Variants in DNAH12 observed in about 807,000 individuals in gnomAD.
DNAH12 encodes axonemal beta dynein heavy chain 12.
DNAH12 carries 285 observed loss-of-function variants against 371.5 expected under a neutral mutation model. That is an observed-to-expected ratio of 0.77 (90% CI 0.70 to 0.85). The LOEUF (loss-of-function observed/expected upper bound fraction) is 0.85. Ranked by LOEUF, DNAH12 falls within the 40% of genes least tolerant of loss-of-function variation. DNAH12 has a pLI of 0.00. For missense variants in DNAH12, 3,611 were observed against 3,689.4 expected (o/e 0.98, Z 0.55); for synonymous variants, 1,200 against 1,213.0 (o/e 0.99, Z 0.22).
At chr3:57,308,545 TG>T (rs1366734370) in intron 69 of DNAH12, among the ~76,000 whole-genome samples, 1 of 152,138 alleles carries the variant, frequency 6.6e-6, no homozygotes, top group Non-Finnish European at 1.5e-5. Flanking sequence ...ACTTGGACTG[TG>T]CCCCAAAAAA....
In DNAH12 at chr3:57,445,423, A is replaced by G. The variant is rs1575608928; in HGVS notation, c.4180-4T>C. On this transcript the variant is annotated splice_region_variant and splice_polypyrimidine_tract_variant and intron_variant, in intron 27 of 73. Transcript: ENST00000495027. The stretch of plus-strand genomic sequence containing the variant: ...TAGCCACTGTTCTAAAAAGAACCTG[A>G]AGTATAAAATAAATGAAATATATTA... 1 of 1,511,326 alleles carries G rather than the reference A, an allele frequency of 6.6e-7. No homozygotes were observed. The highest frequency in any genetic ancestry group is 8.8e-7 in the Non-Finnish European group (1 of 1,131,568). The allele number at this position is 1,511,326 out of a possible 1,614,324, so 93.6% of individuals were successfully genotyped here. A position where few individuals can be genotyped will look rare whatever the true frequency, so the allele number is the denominator to read the frequency against.
intron 62 of DNAH12, among the ~76,000 whole-genome samples, chr3:57,331,613 T>C (rs1458954462): frequency 1.3e-5 from 2 of 152,130 alleles, no homozygotes; most frequent in Non-Finnish European, 2.9e-5. Flanking sequence ...GAGACTTTAC[T>C]AAAACGGTAA....
intron 65 of DNAH12, among the ~76,000 whole-genome samples, chr3:57,315,595 A>T (rs953116944): frequency 6.6e-6 from 1 of 152,002 alleles, no homozygotes; most frequent in Non-Finnish European, 1.5e-5. Context: ...TTTGGACTCT[A>T]TCTAGACTGG....
In DNAH12 at chr3:57,372,102, A is replaced by G. The variant is rs900945502; in HGVS notation, c.8759+3269T>C. Among the ~76,000 whole-genome samples, 416 of 152,036 alleles carry G rather than the reference A, an allele frequency of 2.7e-3. 11 individuals are homozygous for G. The highest frequency in any genetic ancestry group is 0.026 in the Admixed American group (402 of 15,234). On this transcript the variant is annotated intron_variant, in intron 55 of 73. Transcript: ENST00000495027. ...ACTATAGTTAACAATAGTTTATTGT[A>G]TAATTCAAAACTGCTAGAAAAGAAG...
intron 60 of DNAH12, among the ~76,000 whole-genome samples, chr3:57,338,624 C>T (rs1375051533): frequency 2.0e-5 from 3 of 148,940 alleles, no homozygotes; most frequent in Non-Finnish European, 4.4e-5. Flanking sequence ...GCATCTCTGC[C>T]TGGCCGCCCC....
In DNAH12 at chr3:57,413,839, A is replaced by G. The variant is rs2064280693; in HGVS notation, c.5927T>C (p.Ile1976Thr). 1 of 1,551,290 alleles carries G rather than the reference A, an allele frequency of 6.4e-7. No individual in the cohort carries two copies. Among genetic ancestry groups the G allele is most frequent in the South Asian group, 1.2e-5 (1 of 84,052 alleles). Residue 1976 changes from isoleucine (I) to threonine (T), a missense_variant, in exon 39 of 74, where the codon ATT becomes ACT. Ile to Thr is a moderately conservative substitution (Grantham distance 89). Transcript: ENST00000495027. Reference sequence around the variant, plus strand: ...AGGCATATTCATATCATCTATAAAAATTATACACTTCTTTCCCATAGGTGG... The same window carrying G: ...AGGCATATTCATATCATCTATAAAAGTTATACACTTCTTTCCCATAGGTGG... ...FGPPMGKKCI[I>T]FIDDMNMPAL...
intron 39 of DNAH12, among the ~76,000 whole-genome samples, chr3:57,409,775 T>C (rs1415139522): frequency 6.6e-6 from 1 of 152,142 alleles, no homozygotes; most frequent in African/African-American, 2.4e-5. Context: ...TACTGAGGAA[T>C]AGAAAAGTAC....
chr3:57,405,359 G>C (rs1161541906), intron 41 of DNAH12, among the ~76,000 whole-genome samples: 1 of 152,138 alleles, frequency 6.6e-6, no homozygotes, highest in Non-Finnish European at 1.5e-5. Context: ...TGTTAGGCTA[G>C]AGAAGTCATT....
At chr3:57,549,558 C>CT in the DNAH12 span, among the ~76,000 whole-genome samples, 2 of 152,040 alleles carry the variant, frequency 1.3e-5, no homozygotes, top group Non-Finnish European at 2.9e-5. Flanking sequence ...GGCACACAAT[C>CT]TGTTTCTCTC....
intron 2 of DNAH12, among the ~76,000 whole-genome samples, chr3:57,537,283 T>C (rs564510768): frequency 6.6e-6 from 1 of 152,278 alleles, no homozygotes; most frequent in Admixed American, 6.5e-5. Context: ...AAAAACTTGA[T>C]AATTTCAAAT....
intron 23 of DNAH12, 145 bp downstream of exon 23, chr3:57,454,630 G>T: frequency 9.4e-7 from 1 of 1,068,140 alleles, no homozygotes; most frequent in Non-Finnish European, 1.3e-6. Flanking sequence ...AATACTTTGG[G>T]AGGTTGAAGT....
At chr3:57,333,990 G>A (rs2062166087) in intron 62 of DNAH12, among the ~76,000 whole-genome samples, 1 of 146,562 alleles carries the variant, frequency 6.8e-6, no homozygotes, top group Admixed American at 6.9e-5. Flanking sequence ...ATTAAAAAGA[G>A]AAATAGGATA....
intron 32 of DNAH12, 113 bp from the exon 33 acceptor site, chr3:57,429,887 T>A: frequency 1.1e-6 from 1 of 885,074 alleles, no homozygotes; most frequent in Non-Finnish European, 1.6e-6. Context: ...GAATAAGAAT[T>A]AGAATGGAAG....
Position 57,382,384 on chromosome 3 carries a change from T to C in DNAH12, c.7870A>G (p.Ile2624Val). The C allele has an allele frequency of 6.6e-6, 1 of 152,302 alleles. No individual in the cohort carries two copies. Among genetic ancestry groups the C allele is most frequent in the South Asian group, 2.1e-4 (1 of 4,830 alleles). The allele number at this position is 152,302 out of a possible 1,614,324, so 9.4% of individuals were successfully genotyped here. Residue 2624 changes from isoleucine to valine, a missense_variant, in exon 50 of 74, where the codon ATT becomes GTT. Coordinates refer to ENST00000495027, the MANE Select transcript of DNAH12 (RefSeq NM_001366028.2). ...TTCTTCATTGATTTCACAATCGTAA[T>C]GTCGGCTGGCTAAAAGAAAAAAACA... ...SALDTLKPAD[I>V]TIVKSMKNPP...
chr3:57,513,781 A>T (rs780681883), intron 4 of DNAH12, among the ~76,000 whole-genome samples: 7 of 151,912 alleles, frequency 4.6e-5, no homozygotes, highest in Non-Finnish European at 8.8e-5. Flanking sequence ...ATTGACAAAA[A>T]TTTTTTTTTA....
At chr3:57,486,723 A>G (rs76628701) in intron 12 of DNAH12, among the ~76,000 whole-genome samples, 2 of 151,676 alleles carry the variant, frequency 1.3e-5, no homozygotes, top group African/African-American at 2.4e-5. Context: ...AGCAAAAAAA[A>G]TGCTGAGGAT....
chr3:57,353,539 A>C (rs2062732724), intron 59 of DNAH12, among the ~76,000 whole-genome samples: 1 of 152,148 alleles, frequency 6.6e-6, no homozygotes, highest in Non-Finnish European at 1.5e-5. Context: ...TTTAAAAACT[A>C]AACTAAAAAG....
chr3:57,300,346 G>C (rs1268088765), intron 70 of DNAH12, among the ~76,000 whole-genome samples: 1 of 152,258 alleles, frequency 6.6e-6, no homozygotes, highest in South Asian at 2.1e-4. Flanking sequence ...AAGAGTCCAA[G>C]AGAAAGAAAG....
chr3:57,365,419 A>G (rs2063028794), intron 57 of DNAH12, among the ~76,000 whole-genome samples: 1 of 152,128 alleles, frequency 6.6e-6, no homozygotes, highest in African/African-American at 2.4e-5. Context: ...ATGAACACGT[A>G]GACACAGGGT....
Sources: gnomAD v4.1 joint callset for allele counts (sites outside exome capture counted in the v4.1 genomes callset) on GRCh38, gnomAD v4.1.1 for gene constraint, MANE v1.5 for transcripts, NCBI Gene and HGNC (gene_info 2026-07-23, HGNC 2026-07-21) for gene names.